The following TNFRSF10B variants were observed in gnomAD, a reference collection of about 807,000 sequenced individuals.
TNFRSF10B encodes TNF receptor superfamily member 10b, also known as tumor necrosis factor receptor superfamily member 10B.
Under a neutral mutation model 41.4 loss-of-function variants are expected in TNFRSF10B, and 35 were observed. That is an observed-to-expected ratio of 0.85 (90% CI 0.65 to 1.12). TNFRSF10B has a LOEUF of 1.12. Among genes scored for constraint, TNFRSF10B ranks in the 50% most tolerant of loss-of-function variants. The pLI is 0.00. For missense variants in TNFRSF10B, 584 were observed against 552.7 expected (o/e 1.06, Z -0.57); for synonymous variants, 230 against 215.5 (o/e 1.07, Z -0.59).
chr8:23,031,916 T>TC (rs1563309715), intron 2 of TNFRSF10B, among the ~76,000 whole-genome samples: 1 of 148,800 alleles, frequency 6.7e-6, no homozygotes, highest in Non-Finnish European at 1.5e-5. Context: ...AGTAGCATTT[T>TC]TTTTTTTTTT....
At chr8:23,028,257 T>C in intron 5 of TNFRSF10B, 74 bp downstream of exon 5, 5 of 1,606,088 alleles carry the variant, frequency 3.1e-6, no homozygotes, top group Non-Finnish European at 3.4e-6. Flanking sequence ...GGCAGGCGTT[T>C]CTGTCTGTGG....
At position 23,054,056 on chromosome 8, in the gene TNFRSF10B, AAAT is replaced by A. The variant is rs563885818; in HGVS notation, c.145-10816_145-10814del. ...TACCCTAAAACCTTTTGTCCTCCAT[AAAT>A]AATTGTTGTCTGTCTTGTTTTGGTC... On this transcript the variant is annotated intron_variant, in intron 1 of 8. Transcript: ENST00000276431. Among the ~76,000 whole-genome samples, 19 of 152,312 alleles carry A rather than the reference AAAT, an allele frequency of 1.2e-4. No homozygotes were observed. The South Asian group carries it at 3.7e-3, about 30-fold the overall frequency.
chr8:23,061,562 C>A (rs189386747), intron 1 of TNFRSF10B, among the ~76,000 whole-genome samples: 3 of 152,246 alleles, frequency 2.0e-5, no homozygotes, highest in South Asian at 4.1e-4. Flanking sequence ...GCTAGAACTT[C>A]CAGTACTATG....
Position 23,028,319 on chromosome 8 carries a change from G to A in TNFRSF10B, c.748+12C>T. On this transcript the variant is annotated intron_variant, in intron 5 of 8. Transcript: ENST00000276431. ...AGAGTGCCCTGTGCCCCCGCCCTCA[G>A]CCAGCACCTACCTGAGCAGATGCCT... 6.2e-7 allele frequency: 1 copy of A among 1,613,960 alleles called. No individual in the cohort carries two copies. The highest frequency in any genetic ancestry group is 8.5e-7 in the Non-Finnish European group (1 of 1,179,984).
In TNFRSF10B at chr8:23,028,247, G is replaced by A. The variant is rs1447299803; in HGVS notation, c.748+84C>T. On this transcript the variant is annotated intron_variant, in intron 5 of 8. Coordinates refer to ENST00000276431, the MANE Select transcript of TNFRSF10B (RefSeq NM_003842.5). ...TGGAGGCACTTAGACTTGGGGCAGG[G>A]GCAGGCGTTTCTGTCTGTGGGAATA... The A allele has an allele frequency of 1.5e-5, 24 of 1,591,746 alleles. No individual in the cohort carries two copies. The Admixed American group carries it at 2.8e-4, about 19-fold the overall frequency.
In TNFRSF10B at chr8:23,027,455, G is replaced by A; in HGVS notation, c.781-167C>T. 3.4e-6 allele frequency: 3 copies of A among 887,422 alleles called. No homozygotes were observed. The South Asian group carries it at 4.6e-5, about 14-fold the overall frequency. 55.0% of individuals were successfully genotyped at this position (887,422 alleles called of 1,614,324 possible). The stretch of plus-strand genomic sequence containing the variant: ...ATCCAGGACCCGCTGCTGGGGCCAG[G>A]CCCCCAGTGCTGTGCTCAGGCAGAC... On this transcript the variant is annotated intron_variant, in intron 6 of 8. Coordinates refer to ENST00000276431, the MANE Select transcript of TNFRSF10B (RefSeq NM_003842.5).
intron 6 of TNFRSF10B, 98 bp downstream of exon 6, chr8:23,027,624 G>A: frequency 6.5e-7 from 1 of 1,544,372 alleles, no homozygotes; most frequent in Non-Finnish European, 8.9e-7. Flanking sequence ...AGTCAGGGCA[G>A]CCATGAGGAC....
intron 2 of TNFRSF10B, among the ~76,000 whole-genome samples, chr8:23,038,976 T>G (rs562732762): frequency 6.6e-6 from 1 of 151,924 alleles, no homozygotes; most frequent in African/African-American, 2.4e-5. Context: ...TAACATATAA[T>G]GAAATAATTA....
At chr8:23,033,807 G>T (rs78814076) in intron 2 of TNFRSF10B, among the ~76,000 whole-genome samples, 3 of 151,826 alleles carry the variant, frequency 2.0e-5, no homozygotes, top group Admixed American at 6.6e-5. Context: ...CCAGAAGAGG[G>T]GGGGAGAGAG....
chr8:23,047,336 A>G (rs1476072890), intron 1 of TNFRSF10B, among the ~76,000 whole-genome samples: 3 of 148,922 alleles, frequency 2.0e-5, no homozygotes, highest in African/African-American at 7.5e-5. Flanking sequence ...CAGCCTAGGC[A>G]ACAAGAGTGA....
Position 23,049,720 on chromosome 8 carries a change from A to G in TNFRSF10B, c.145-6477T>C, listed in dbSNP as rs1812464546. The G allele has an allele frequency of 2.0e-5, 3 of 152,224 alleles. No individual in the cohort carries two copies. The South Asian group carries it at 6.2e-4, about 32-fold the overall frequency. The allele number at this position is 152,224 out of a possible 1,614,324, so 9.4% of individuals were successfully genotyped here. ...TCTCCTTGTAACCAGTTACAGAAATAAAAACTCTCTTCCTCCCCAGTTCAC... is the reference window on the plus strand; with the variant it reads ...TCTCCTTGTAACCAGTTACAGAAATGAAAACTCTCTTCCTCCCCAGTTCAC... On this transcript the variant is annotated intron_variant, in intron 1 of 8. Transcript: ENST00000276431.
In TNFRSF10B at chr8:23,068,975, T is replaced by C. The variant is rs767849119; in HGVS notation, c.-81A>G. On this transcript the variant is annotated 5_prime_UTR_variant, in exon 1 of 9. Transcript: ENST00000276431. Reference sequence around the variant, plus strand: ...TAGATCGGGCATCGTCGGTGTATTTTGTGGGCGCAGAGATTGCGGGGTTCT... The same window carrying C: ...TAGATCGGGCATCGTCGGTGTATTTCGTGGGCGCAGAGATTGCGGGGTTCT... 11 of 1,609,222 alleles carry C rather than the reference T, an allele frequency of 6.8e-6. No homozygotes were observed. The highest frequency in any genetic ancestry group is 1.1e-5 in the South Asian group (1 of 90,750).
intron 2 of TNFRSF10B, among the ~76,000 whole-genome samples, chr8:23,038,896 G>A (rs947409807): frequency 6.6e-6 from 1 of 152,046 alleles, no homozygotes; most frequent in African/African-American, 2.4e-5. Flanking sequence ...TTGGGGGCAT[G>A]GGGATGGTTT....
chr8:23,041,744 C>A (rs965244172), intron 2 of TNFRSF10B, among the ~76,000 whole-genome samples: 40 of 151,990 alleles, frequency 2.6e-4, no homozygotes, highest in African/African-American at 9.7e-4. Flanking sequence ...GAGGAGTTTC[C>A]ACATCTCAGT....
chr8:23,044,477 A>C (rs7836499), intron 1 of TNFRSF10B, among the ~76,000 whole-genome samples: 27,323 of 152,162 alleles, frequency 0.18, 5,048 homozygotes, highest in African/African-American at 0.48. Flanking sequence ...ACAACAACAA[A>C]AAGCCAACAA....
intron 1 of TNFRSF10B, among the ~76,000 whole-genome samples, chr8:23,063,601 T>C (rs1014592786): frequency 2.0e-5 from 3 of 152,252 alleles, no homozygotes; most frequent in South Asian, 2.1e-4. Flanking sequence ...ACCAAACCCA[T>C]TGCATCACCG....
chr8:23,047,412 T>C (rs1173893761), intron 1 of TNFRSF10B, among the ~76,000 whole-genome samples: 1 of 143,488 alleles, frequency 7.0e-6, no homozygotes, highest in Non-Finnish European at 1.5e-5. Flanking sequence ...AGTGAAGCAA[T>C]AAGCTACAGA....
chr8:23,035,883 G>A (rs1158700999), intron 2 of TNFRSF10B, among the ~76,000 whole-genome samples: 1 of 152,126 alleles, frequency 6.6e-6, no homozygotes, highest in Non-Finnish European at 1.5e-5. Flanking sequence ...TTTGAGTGGT[G>A]CTCAGAACAA....
chr8:23,068,510 A>G (rs1462837882), intron 1 of TNFRSF10B: 1 of 591,716 alleles, frequency 1.7e-6, no homozygotes, highest in Non-Finnish European at 2.9e-6. Flanking sequence ...GCCCTCCCCC[A>G]CTGGATTCGG....
Sources: allele counts gnomAD v4.1 joint callset (sites outside exome capture counted in the v4.1 genomes callset), GRCh38; gene constraint gnomAD v4.1.1; transcripts MANE v1.5; gene names NCBI Gene and HGNC (gene_info 2026-07-23, HGNC 2026-07-21).